The following COL24A1 variants were observed in gnomAD, a reference collection of about 807,000 sequenced individuals.
COL24A1 encodes collagen type XXIV alpha 1 chain, also known as collagen alpha-1(XXIV) chain.
COL24A1 carries 224 observed loss-of-function variants against 253.9 expected under a neutral mutation model. The ratio of observed to expected loss-of-function variants is 0.88; its 90% CI spans 0.79 to 0.99. The LOEUF is 0.99. Ranked by LOEUF, COL24A1 falls within the 50% of genes least tolerant of loss-of-function variation. The probability of loss-of-function intolerance (pLI) is 0.00; values close to 1 mark genes in which losing one functional copy is unlikely to be tolerated. For synonymous variants in COL24A1, 685 were observed against 673.7 expected, an observed-to-expected ratio of 1.02 and a Z score of -0.26; for missense variants, 2,131 against 2,068.5, an observed-to-expected ratio of 1.03 and a Z score of -0.59.
chr1:86,126,218 G>A lies in COL24A1; in HGVS notation c.122-4C>T, dbSNP rs201105211. ...AGTTGATGAAGAATATCTATGCCTGGAAATTTAAAAAAGAGAGAGAGAAAG... is the reference window on the plus strand; with the variant it reads ...AGTTGATGAAGAATATCTATGCCTGAAAATTTAAAAAAGAGAGAGAGAAAG... On this transcript the variant is annotated splice_region_variant and splice_polypyrimidine_tract_variant and intron_variant, in intron 2 of 59. Transcript: ENST00000370571. The A allele has an allele frequency of 2.2e-5, 35 of 1,560,296 alleles. No individual in the cohort carries two copies. In the East Asian group the frequency reaches 7.9e-4, roughly 35 times the overall value.
chr1:85,786,542 T>C lies in COL24A1; in HGVS notation c.3952-81A>G, dbSNP rs1669706516. The stretch of plus-strand genomic sequence containing the variant: ...GAGGCTCAATAAAATGTAGGAAGAG[T>C]TGTGCCCCGAAAGGCGTCTGTTAAC... On this transcript the variant is annotated intron_variant, in intron 47 of 59. Transcript: ENST00000370571. The C allele has an allele frequency of 3.8e-6, 5 of 1,306,336 alleles. No homozygotes were observed. In the Admixed American group the frequency reaches 6.2e-5, roughly 16 times the overall value. The allele number at this position is 1,306,336 out of a possible 1,614,324, so 80.9% of individuals were successfully genotyped here.
chr1:85,744,790 C>A lies in COL24A1; in HGVS notation c.4548G>T (p.Glu1516Asp). ...TEVTLIDHSE[E>D]IFKTLNYLSN... is the part of the protein sequence containing the mutation. ...TAAGGTAGTTCAGGGTTTTGAATAT[C>A]TCTTCACTGTGGTCAATTAAAGTCA... The change falls in exon 57 of 60, where the codon GAG becomes GAT. Residue 1516 changes from glutamate (E) to aspartate (D), a missense_variant. Coordinates refer to ENST00000370571, the MANE Select transcript of COL24A1 (RefSeq NM_152890.7). 4 of 1,610,672 alleles carry A rather than the reference C, an allele frequency of 2.5e-6. No homozygotes were observed. The highest frequency in any genetic ancestry group is 3.4e-6 in the Non-Finnish European group (4 of 1,178,902).
chr1:86,068,190 A>C (rs2101819675), intron 7 of COL24A1, among the ~76,000 whole-genome samples: 1 of 152,334 alleles, frequency 6.6e-6, no homozygotes, highest in Admixed American at 6.5e-5. Flanking sequence ...AAGAAGCAAA[A>C]ATCAGGTGAG....
At chr1:86,121,071 C>T (rs1334337769) in intron 3 of COL24A1, among the ~76,000 whole-genome samples, 1 of 152,090 alleles carries the variant, frequency 6.6e-6, no homozygotes, top group Non-Finnish European at 1.5e-5. Flanking sequence ...TTTTCTCACT[C>T]ATAGGTGGAA....
chr1:85,763,460 C>T (rs7521240), intron 53 of COL24A1, among the ~76,000 whole-genome samples: 134,313 of 149,272 alleles, frequency 0.9, 61,160 homozygotes, highest in Non-Finnish European at 0.97. Context: ...ATAACAACAC[C>T]ATGATTGTCT....
At chr1:85,838,938 A>G (rs775160843) in intron 42 of COL24A1, among the ~76,000 whole-genome samples, 4 of 152,156 alleles carry the variant, frequency 2.6e-5, no homozygotes, top group Non-Finnish European at 5.9e-5. Context: ...GGTGGCTCAC[A>G]CCTGTAGTCC....
Position 85,761,549 on chromosome 1 carries a change from T to C in COL24A1, c.4392A>G (p.Arg1464=). The part of the protein sequence containing the change: ...FRGETGPQGP[R]GQPGPPGPPG... ...AACTCACTGGAGGCCCTGGTTGACC[T>C]CTTGGTCCTTGAGGACCCTGGAAGA... Residue 1464 remains arginine (R), a synonymous_variant, in exon 54 of 60, where the codon AGA becomes AGG. Transcript: ENST00000370571. The C allele has an allele frequency of 6.2e-7, 1 of 1,614,106 alleles. No individual in the cohort carries two copies. The highest frequency in any genetic ancestry group is 8.5e-7 in the Non-Finnish European group (1 of 1,179,970).
At chr1:85,837,279 G>C (rs1021630291) in intron 43 of COL24A1, among the ~76,000 whole-genome samples, 2 of 152,064 alleles carry the variant, frequency 1.3e-5, no homozygotes, top group Non-Finnish European at 2.9e-5. Context: ...AATGGTAATC[G>C]CAACAATTTC....
intron 3 of COL24A1, among the ~76,000 whole-genome samples, chr1:86,116,791 T>C (rs1706188732): frequency 6.6e-6 from 1 of 152,162 alleles, no homozygotes; most frequent in Non-Finnish European, 1.5e-5. Context: ...ACCCCCTAAA[T>C]TTATAAAACT....
At chr1:85,856,716 T>C (rs1678476471) in intron 37 of COL24A1, among the ~76,000 whole-genome samples, 1 of 152,200 alleles carries the variant, frequency 6.6e-6, no homozygotes, top group African/African-American at 2.4e-5. Flanking sequence ...AAGGCAAAAT[T>C]TGAAAATTAG....
At chr1:86,072,670 C>A (rs1013617418) in intron 7 of COL24A1, among the ~76,000 whole-genome samples, 2 of 152,168 alleles carry the variant, frequency 1.3e-5, no homozygotes, top group African/African-American at 2.4e-5. Context: ...GGGTCCCTGA[C>A]CCCCGTGCCT....
At chr1:86,108,375 G>A (rs1705197199) in intron 5 of COL24A1, among the ~76,000 whole-genome samples, 2 of 152,070 alleles carry the variant, frequency 1.3e-5, no homozygotes, top group South Asian at 4.2e-4. Flanking sequence ...ATTTTAAGAA[G>A]TCAATGAAAT....
intron 23 of COL24A1, 37 bp downstream of exon 23, chr1:85,964,972 T>C: frequency 7.7e-6 from 12 of 1,551,530 alleles, no homozygotes; most frequent in Non-Finnish European, 1.1e-5. Context: ...TTCTGAAAAT[T>C]ATATTTTAAA....
intron 37 of COL24A1, among the ~76,000 whole-genome samples, chr1:85,856,651 C>T (rs1315574547): frequency 1.3e-5 from 2 of 151,596 alleles, no homozygotes; most frequent in East Asian, 3.9e-4. Flanking sequence ...TCTCTAAATC[C>T]CTCCTCCTAA....
intron 24 of COL24A1, among the ~76,000 whole-genome samples, chr1:85,923,655 G>C (rs1323881306): frequency 6.6e-6 from 1 of 152,116 alleles, no homozygotes; most frequent in Non-Finnish European, 1.5e-5. Context: ...GGAATCTCTG[G>C]GACATATTAA....
rs145457003 is a variant in COL24A1, at chr1:86,119,872, C to G, written c.1492-4494G>C. Among the ~76,000 whole-genome samples the G allele has an allele frequency of 2.9e-4, 44 of 152,210 alleles. 2 individuals are homozygous for G. In the East Asian group the frequency reaches 7.1e-3, roughly 25 times the overall value. On this transcript the variant is annotated intron_variant, in intron 3 of 59. Transcript: ENST00000370571. ...TTAAAGAACAAAGCTGGAGGCATCA[C>G]GCTACCTGACTTCAAACTATACTAC...
intron 55 of COL24A1, among the ~76,000 whole-genome samples, chr1:85,760,368 A>C (rs147415648): frequency 6.6e-6 from 1 of 152,286 alleles, no homozygotes; most frequent in African/African-American, 2.4e-5. Context: ...ATTGATGTCC[A>C]CACAGGGAGA....
In COL24A1 at chr1:86,126,047, T is replaced by C; in HGVS notation, c.289A>G (p.Ile97Val). ...DAYIETPFVK[I>V]LPVNLGQPFT... ...GGCTGCCCCAAGTTGACTGGTAAAA[T>C]TTTCACGAAAGGTGTCTCGATATAA... The change falls in exon 3 of 60, where the codon ATT (isoleucine) becomes GTT (valine). Residue 97 changes from isoleucine to valine, a missense_variant. Ile to Val is a conservative substitution (Grantham distance 29, BLOSUM62 3). Transcript: ENST00000370571. The C allele has an allele frequency of 6.2e-7, 1 of 1,613,600 alleles. No individual in the cohort carries two copies. The highest frequency in any genetic ancestry group is 8.5e-7 in the Non-Finnish European group (1 of 1,179,788).
chr1:86,010,066 A>G (rs980452620), intron 19 of COL24A1, among the ~76,000 whole-genome samples: 2 of 152,208 alleles, frequency 1.3e-5, no homozygotes, highest in African/African-American at 2.4e-5. Context: ...ACACAAAAAA[A>G]ACTTTTAATG....
Sources: allele counts gnomAD v4.1 joint callset (sites outside exome capture counted in the v4.1 genomes callset), GRCh38; gene constraint gnomAD v4.1.1; transcripts MANE v1.5; gene names NCBI Gene and HGNC (gene_info 2026-07-23, HGNC 2026-07-21).